Variants in C8A observed in about 807,000 individuals in gnomAD.
The protein encoded by C8A is complement C8 alpha chain.
In C8A, 67 loss-of-function variants were observed where a neutral mutation model predicts 65.3. The ratio of observed to expected loss-of-function variants is 1.03; its 90% CI spans 0.84 to 1.26. C8A has a LOEUF of 1.26. C8A is among the 50% of genes most tolerant of loss of function. The pLI, the probability that C8A is intolerant of heterozygous loss-of-function variation, is 0.00. For synonymous variants in C8A, 290 were observed against 259.4 expected, an observed-to-expected ratio of 1.12 and a Z score of -1.13; for missense variants, 781 against 723.9, an observed-to-expected ratio of 1.08 and a Z score of -0.90.
intron 9 of C8A, 74 bp from the exon 10 acceptor site, chr1:56,912,329 G>A: frequency 2.8e-6 from 4 of 1,407,322 alleles, no homozygotes; most frequent in Admixed American, 3.5e-5. Flanking sequence ...CCAGAAGCTT[G>A]GTGGCCGGTT....
rs1017005104 is a variant in C8A, at chr1:56,891,686, A to G, written c.1096+5519A>G. On this transcript the variant is annotated intron_variant, in intron 7 of 10. Coordinates refer to ENST00000361249, the MANE Select transcript of C8A (RefSeq NM_000562.3). ...TGAGGTGTCAATTACTCCTTTCTCT[A>G]AATTGTATTTTTATCATAGACACAC... is the stretch of plus-strand genomic sequence containing the variant. Among the ~76,000 whole-genome samples the G allele has an allele frequency of 3.9e-5, 6 of 152,054 alleles. 1 individual carries two copies. The highest frequency in any genetic ancestry group is 7.4e-5 in the Non-Finnish European group (5 of 67,984).
chr1:56,856,442 G>A (rs1643976067), intron 1 of C8A, among the ~76,000 whole-genome samples: 1 of 152,068 alleles, frequency 6.6e-6, no homozygotes, highest in South Asian at 2.1e-4. Flanking sequence ...CTGTGTGATT[G>A]TTATTGTTAT....
intron 1 of C8A, among the ~76,000 whole-genome samples, chr1:56,859,917 G>T (rs1391508468): frequency 1.3e-5 from 2 of 152,110 alleles, no homozygotes; most frequent in Non-Finnish European, 2.9e-5. Flanking sequence ...CAAAAAATTA[G>T]CTGGGCATGG....
At chr1:56,879,811 T>C (rs999744709) in intron 4 of C8A, among the ~76,000 whole-genome samples, 1 of 152,176 alleles carries the variant, frequency 6.6e-6, no homozygotes, top group Non-Finnish European at 1.5e-5. Context: ...TAACATACAT[T>C]GAATTTCTAC....
chr1:56,913,026 G>A (rs886612156), intron 10 of C8A, among the ~76,000 whole-genome samples: 6 of 152,262 alleles, frequency 3.9e-5, no homozygotes, highest in African/African-American at 1.4e-4. Context: ...CAGAGACTGG[G>A]GGAGTATGTG....
At chr1:56,907,624 G>T (rs143392943) in intron 8 of C8A, among the ~76,000 whole-genome samples, 3 of 151,994 alleles carry the variant, frequency 2.0e-5, no homozygotes, top group African/African-American at 7.3e-5. Flanking sequence ...GAACCTATTC[G>T]GCATATAGCA....
At chr1:56,913,205 T>C (rs930605649) in intron 10 of C8A, among the ~76,000 whole-genome samples, 1 of 152,240 alleles carries the variant, frequency 6.6e-6, no homozygotes, top group African/African-American at 2.4e-5. Context: ...GAGACCACCC[T>C]AATCCAGCAT....
chr1:56,911,202 T>C (rs1644503124), intron 9 of C8A, among the ~76,000 whole-genome samples: 1 of 152,132 alleles, frequency 6.6e-6, no homozygotes, highest in Non-Finnish European at 1.5e-5. Flanking sequence ...GAATTAAGTA[T>C]TATTCCCATT....
intron 7 of C8A, among the ~76,000 whole-genome samples, chr1:56,893,103 C>CA (rs1483922441): frequency 1.3e-5 from 2 of 151,278 alleles, no homozygotes; most frequent in African/African-American, 4.9e-5. Flanking sequence ...CCTGAGATAT[C>CA]TTTTTTTTTA....
intron 9 of C8A, among the ~76,000 whole-genome samples, chr1:56,911,824 C>T (rs9437011): frequency 0.1 from 15,601 of 152,252 alleles, 1,250 homozygotes; most frequent in African/African-American, 0.22. Flanking sequence ...ACAACACTAC[C>T]TGTCAAGGAT....
intron 7 of C8A, among the ~76,000 whole-genome samples, chr1:56,897,817 C>T (rs1435983777): frequency 6.6e-6 from 1 of 152,190 alleles, no homozygotes; most frequent in Non-Finnish European, 1.5e-5. Flanking sequence ...CATTCATCCA[C>T]TCATTCAGTA....
At chr1:56,908,685 C>T (rs1204629212) in intron 9 of C8A, among the ~76,000 whole-genome samples, 1 of 152,194 alleles carries the variant, frequency 6.6e-6, no homozygotes, top group Non-Finnish European at 1.5e-5. Flanking sequence ...CTCATCTCTC[C>T]ATTAGAGGAA....
At chr1:56,888,809 C>A (rs1326562463) in intron 7 of C8A, among the ~76,000 whole-genome samples, 2 of 152,162 alleles carry the variant, frequency 1.3e-5, no homozygotes, top group African/African-American at 4.8e-5. Context: ...CACATATTCT[C>A]ATTTAATTTT....
At chr1:56,885,371 T>C (rs539559855) in intron 6 of C8A, among the ~76,000 whole-genome samples, 6 of 68,036 alleles carry the variant, frequency 8.8e-5, no homozygotes, top group Non-Finnish European at 1.4e-4. Context: ...AATATATATT[T>C]ATATTTATTT....
At chr1:56,871,005 T>C (rs1021532273) in intron 2 of C8A, among the ~76,000 whole-genome samples, 1 of 152,124 alleles carries the variant, frequency 6.6e-6, no homozygotes, top group African/African-American at 2.4e-5. Flanking sequence ...GCACCAACCT[T>C]CCTGCCACAC....
At chr1:56,897,107 C>T (rs1644392469) in intron 7 of C8A, among the ~76,000 whole-genome samples, 1 of 152,146 alleles carries the variant, frequency 6.6e-6, no homozygotes, top group Non-Finnish European at 1.5e-5. Flanking sequence ...ATTTTCCTTT[C>T]TAAGAACATC....
intron 1 of C8A, among the ~76,000 whole-genome samples, chr1:56,859,988 G>A (rs1227657702): frequency 6.6e-6 from 1 of 152,192 alleles, no homozygotes; most frequent in Non-Finnish European, 1.5e-5. Flanking sequence ...GCTTGAACCT[G>A]GGAGCCGGAG....
intron 10 of C8A, among the ~76,000 whole-genome samples, chr1:56,917,013 G>A (rs778588807): frequency 9.2e-5 from 14 of 152,012 alleles, no homozygotes; most frequent in Non-Finnish European, 1.5e-4. Context: ...CAGGAGGGCG[G>A]TGCTCCCCTC....
chr1:56,907,132 G>A lies in C8A; in HGVS notation c.1222+340G>A, dbSNP rs538105725. On this transcript the variant is annotated intron_variant, in intron 8 of 10. Coordinates refer to ENST00000361249, the MANE Select transcript of C8A (RefSeq NM_000562.3). ...ATTACAGTTCAGAGGGAGGAAATAA[G>A]GCTGTTGAGAGAGAATATGGTACCG... 2.6e-5 allele frequency among the ~76,000 whole-genome samples: 4 copies of A among 152,290 alleles called. No homozygotes were observed. The East Asian group carries it at 7.7e-4, about 29-fold the overall frequency.
Sources: gnomAD v4.1 joint callset for allele counts (sites outside exome capture counted in the v4.1 genomes callset) on GRCh38, gnomAD v4.1.1 for gene constraint, MANE v1.5 for transcripts, NCBI Gene and HGNC (gene_info 2026-07-23, HGNC 2026-07-21) for gene names.